The following RARB variants were observed in gnomAD, a reference collection of about 807,000 sequenced individuals.
RARB encodes the protein retinoic acid receptor beta.
Under a neutral mutation model 51.9 loss-of-function variants are expected in RARB, and 17 were observed. That is an observed-to-expected ratio of 0.33 (90% CI 0.22 to 0.49). The LOEUF (loss-of-function observed/expected upper bound fraction) is 0.49. Ranked by LOEUF, RARB falls within the 20% of genes least tolerant of loss-of-function variation. The pLI, the probability that RARB is intolerant of heterozygous loss-of-function variation, is 0.99. For missense variants in RARB, 369 were observed against 550.8 expected (o/e 0.67, Z 3.30); for synonymous variants, 215 against 195.4 (o/e 1.10, Z -0.84).
At chr3:25,369,201 C>T (rs145809134) in intron 5 of RARB, among the ~76,000 whole-genome samples, 47 of 152,270 alleles carry the variant, frequency 3.1e-4, no homozygotes, top group African/African-American at 1.1e-3. Context: ...AAAATGTTTT[C>T]ATTAACTCAA....
At chr3:24,867,148 TG>T (rs1702865609) in intron 2 of RARB, among the ~76,000 whole-genome samples, 1 of 152,124 alleles carries the variant, frequency 6.6e-6, no homozygotes, top group Non-Finnish European at 1.5e-5. Context: ...GGCTGGCAAT[TG>T]TTTATGTCTA....
chr3:24,902,441 G>GGAA (rs1320744869), intron 2 of RARB, among the ~76,000 whole-genome samples: 3 of 152,082 alleles, frequency 2.0e-5, no homozygotes, highest in Non-Finnish European at 4.4e-5. Flanking sequence ...ACAGAAGAAA[G>GGAA]GAAGAGTTTT....
At chr3:24,988,656 C>T (rs1696846310) in intron 2 of RARB, among the ~76,000 whole-genome samples, 2 of 152,150 alleles carry the variant, frequency 1.3e-5, no homozygotes, top group African/African-American at 4.8e-5. Context: ...CTCTACCTTC[C>T]TTTACAACTT....
intron 1 of RARB, chr3:25,458,254 A>T (rs535452433): frequency 6.6e-6 from 1 of 152,332 alleles, no homozygotes; most frequent in African/African-American, 2.4e-5. Flanking sequence ...AAATAAATTG[A>T]TGACATCATA....
At chr3:25,365,066 A>C (rs1316022095) in intron 5 of RARB, among the ~76,000 whole-genome samples, 1 of 152,002 alleles carries the variant, frequency 6.6e-6, no homozygotes, top group East Asian at 1.9e-4. Flanking sequence ...ATTTCCCATC[A>C]CTCAAAGGCC....
chr3:25,060,819 C>T (rs548682671), intron 3 of RARB, among the ~76,000 whole-genome samples: 1 of 151,764 alleles, frequency 6.6e-6, no homozygotes, highest in Admixed American at 6.6e-5. Flanking sequence ...TACTGATACC[C>T]AGATTGCAGG....
intron 3 of RARB, among the ~76,000 whole-genome samples, chr3:25,535,851 G>A (rs1699118151): frequency 6.6e-6 from 1 of 152,056 alleles, no homozygotes; most frequent in Non-Finnish European, 1.5e-5. Flanking sequence ...GGTTGGACTT[G>A]GAATTTTTTT....
chr3:25,026,659 T>A (rs1027851513), intron 2 of RARB, among the ~76,000 whole-genome samples: 1 of 152,192 alleles, frequency 6.6e-6, no homozygotes, highest in South Asian at 2.1e-4. Context: ...CTTTAACATA[T>A]AAATTTTGGA....
At chr3:25,155,215 C>T (rs1349898426) in intron 4 of RARB, among the ~76,000 whole-genome samples, 1 of 152,150 alleles carries the variant, frequency 6.6e-6, no homozygotes, top group African/African-American at 2.4e-5. Flanking sequence ...TCCATGCTCT[C>T]TGTTCTGTCA....
At chr3:25,473,921 GA>G (rs533183147) in intron 2 of RARB, among the ~76,000 whole-genome samples, 3 of 108,320 alleles carry the variant, frequency 2.8e-5, no homozygotes, top group Admixed American at 1.0e-4. Context: ...TGTCTGGCAG[GA>G]AAAAAAAAAA....
At chr3:25,514,715 G>C (rs771524444) in intron 3 of RARB, among the ~76,000 whole-genome samples, 6 of 152,156 alleles carry the variant, frequency 3.9e-5, no homozygotes, top group African/African-American at 1.4e-4. Flanking sequence ...AACTTAACTA[G>C]TGTTTGAAAA....
At chr3:25,412,343 G>A (rs1314576918) in intron 5 of RARB, among the ~76,000 whole-genome samples, 1 of 151,944 alleles carries the variant, frequency 6.6e-6, no homozygotes. Context: ...TAACCAAGGG[G>A]GCCTAGTTAT....
chr3:24,874,919 C>T (rs953887616), intron 2 of RARB, among the ~76,000 whole-genome samples: 1 of 151,698 alleles, frequency 6.6e-6, no homozygotes, highest in Non-Finnish European at 1.5e-5. Flanking sequence ...CGCTCATTTC[C>T]CTCCTTTTAG....
chr3:25,359,867 C>T (rs1705873574), intron 5 of RARB, among the ~76,000 whole-genome samples: 1 of 152,128 alleles, frequency 6.6e-6, no homozygotes, highest in Non-Finnish European at 1.5e-5. Flanking sequence ...TGTTCTTTTG[C>T]ATTTGCTGAG....
intron 3 of RARB, among the ~76,000 whole-genome samples, chr3:25,557,936 C>A (rs1463403033): frequency 3.3e-5 from 5 of 152,168 alleles, no homozygotes; most frequent in Non-Finnish European, 5.9e-5. Flanking sequence ...GCCTGGAAAG[C>A]ACTCGGTTCT....
chr3:25,167,813 C>T (rs1486787564), intron 4 of RARB, among the ~76,000 whole-genome samples: 1 of 152,186 alleles, frequency 6.6e-6, no homozygotes, highest in African/African-American at 2.4e-5. Flanking sequence ...AGTCCACCAG[C>T]AGCCCCAGCC....
At chr3:25,497,203 C>G (rs1314739595) in intron 2 of RARB, among the ~76,000 whole-genome samples, 1 of 152,178 alleles carries the variant, frequency 6.6e-6, no homozygotes, top group African/African-American at 2.4e-5. Context: ...GGTCTTAAGA[C>G]TTCTAGCCAC....
chr3:24,920,925 C>G (rs1241170736), intron 2 of RARB, among the ~76,000 whole-genome samples: 2 of 152,126 alleles, frequency 1.3e-5, no homozygotes, highest in Admixed American at 6.6e-5. Flanking sequence ...TCCTTTTGCT[C>G]CTAATTAGCT....
At chr3:25,172,081 C>T (rs1281088460) in intron 4 of RARB, among the ~76,000 whole-genome samples, 1 of 152,142 alleles carries the variant, frequency 6.6e-6, no homozygotes, top group African/African-American at 2.4e-5. Context: ...AATGTCATCT[C>T]CTTTGTAAGT....
Sources: gnomAD v4.1 joint callset for allele counts (sites outside exome capture counted in the v4.1 genomes callset) on GRCh38, gnomAD v4.1.1 for gene constraint, MANE v1.5 for transcripts, NCBI Gene and HGNC (gene_info 2026-07-23, HGNC 2026-07-21) for gene names.